SLC22A15: variants seen among roughly 807,000 people sequenced by gnomAD.
The protein encoded by SLC22A15 is solute carrier family 22 member 15.
SLC22A15 carries 45 observed loss-of-function variants against 62.7 expected under a neutral mutation model. The observed-to-expected ratio is 0.72, with a 90% confidence interval of 0.56 to 0.92. The LOEUF is 0.92. SLC22A15 is among the 40% of genes least tolerant of loss of function. The pLI, the probability that SLC22A15 is intolerant of heterozygous loss-of-function variation, is 0.00. For synonymous variants in SLC22A15, 264 were observed against 267.0 expected (o/e 0.99, Z 0.11); for missense variants, 622 against 665.6 (o/e 0.93, Z 0.72).
At chr1:116,015,558 A>C (rs1656481564) in intron 2 of SLC22A15, among the ~76,000 whole-genome samples, 1 of 152,182 alleles carries the variant, frequency 6.6e-6, no homozygotes, top group African/African-American at 2.4e-5. Context: ...AGAATAGTTG[A>C]TTATGGAGTT....
chr1:115,976,778 G>C, intron 1 of SLC22A15, 64 bp downstream of exon 1: 2 of 1,315,488 alleles, frequency 1.5e-6, no homozygotes, highest in Non-Finnish European at 2.1e-6. Flanking sequence ...AGGGCTAGGC[G>C]TCCGCTCCCA....
intron 2 of SLC22A15, among the ~76,000 whole-genome samples, chr1:116,016,663 A>G (rs1023356340): frequency 6.6e-6 from 1 of 152,094 alleles, no homozygotes; most frequent in African/African-American, 2.4e-5. Flanking sequence ...TTGAATTCCC[A>G]CCATGTACCT....
chr1:116,058,799 TTAATG>T (rs1275183697), intron 8 of SLC22A15, among the ~76,000 whole-genome samples: 1 of 152,192 alleles, frequency 6.6e-6, no homozygotes, highest in Non-Finnish European at 1.5e-5. Context: ...AAGGAATTAA[TTAATG>T]GCATTTGCAG....
At position 116,059,993 on chromosome 1, in the gene SLC22A15, G is replaced by A. The variant is rs529435541; in HGVS notation, c.1172-2769G>A. Among the ~76,000 whole-genome samples, 7 of 152,322 alleles carry A rather than the reference G, an allele frequency of 4.6e-5. No homozygotes were observed. In the East Asian group the frequency reaches 1.3e-3, roughly 29 times the overall value. On this transcript the variant is annotated intron_variant, in intron 8 of 11. Transcript: ENST00000369503. ...TGAGATTTCCTTTTTTAAAAAGATA[G>A]TTTAGTTTTGCTTATGTCTTTTAAA...
chr1:116,016,545 C>T (rs1057510671), intron 2 of SLC22A15, among the ~76,000 whole-genome samples: 3 of 152,150 alleles, frequency 2.0e-5, no homozygotes, highest in African/African-American at 7.2e-5. Context: ...GTTTCATAAA[C>T]CTTCATAACC....
chr1:115,980,159 A>G (rs1488536590), intron 1 of SLC22A15, among the ~76,000 whole-genome samples: 1 of 152,196 alleles, frequency 6.6e-6, no homozygotes, highest in Non-Finnish European at 1.5e-5. Flanking sequence ...TTCAGTGGTC[A>G]TCTGGGACAG....
At chr1:116,041,769 A>T (rs1205743034) in intron 8 of SLC22A15, among the ~76,000 whole-genome samples, 1 of 152,284 alleles carries the variant, frequency 6.6e-6, no homozygotes, top group Admixed American at 6.5e-5. Flanking sequence ...CTAGTCTTTG[A>T]TTTGAGCATG....
intron 2 of SLC22A15, among the ~76,000 whole-genome samples, chr1:116,004,353 G>A (rs1655874546): frequency 6.6e-6 from 1 of 152,108 alleles, no homozygotes; most frequent in African/African-American, 2.4e-5. Context: ...GAGTGTTCTA[G>A]TCGGCCATCT....
At position 116,010,914 on chromosome 1, in the gene SLC22A15, A is replaced by G. The variant is rs2101212964; in HGVS notation, c.301-8668A>G. 1.3e-5 allele frequency among the ~76,000 whole-genome samples: 2 copies of G among 152,336 alleles called. 1 individual carries two copies. ...CCTCCAGCAACAAGAGGCTCGATCA[A>G]TAGGCACGGGCCCAGTCTTGTTTGC... is the stretch of plus-strand genomic sequence containing the variant. On this transcript the variant is annotated intron_variant, in intron 2 of 11. Transcript: ENST00000369503.
At chr1:116,004,880 T>C (rs1480032552) in intron 2 of SLC22A15, among the ~76,000 whole-genome samples, 1 of 152,182 alleles carries the variant, frequency 6.6e-6, no homozygotes, top group African/African-American at 2.4e-5. Flanking sequence ...ATCTATTTTG[T>C]ATTGGATGAG....
chr1:116,045,249 G>A (rs1164758974), intron 8 of SLC22A15, among the ~76,000 whole-genome samples: 1 of 151,832 alleles, frequency 6.6e-6, no homozygotes, highest in Non-Finnish European at 1.5e-5. Context: ...GTTTCACCAT[G>A]TTGGTCAGGC....
At chr1:115,978,623 C>T (rs1237470460) in intron 1 of SLC22A15, among the ~76,000 whole-genome samples, 1 of 152,180 alleles carries the variant, frequency 6.6e-6, no homozygotes, top group African/African-American at 2.4e-5. Context: ...GACTCAGTTA[C>T]CCCATTGAGA....
At chr1:116,066,903 C>T (rs1658512939) in intron 11 of SLC22A15, 116 bp from the exon 12 acceptor site, 9 of 972,510 alleles carry the variant, frequency 9.3e-6, no homozygotes, top group Non-Finnish European at 1.4e-5. Flanking sequence ...GGGGCTATTT[C>T]TTGGGGGAAT....
At position 115,986,785 on chromosome 1, in the gene SLC22A15, T is replaced by A. The variant is rs574103108; in HGVS notation, c.88-5246T>A. Among the ~76,000 whole-genome samples the A allele has an allele frequency of 3.9e-5, 6 of 152,348 alleles. No homozygotes were observed. In the South Asian group the frequency reaches 1.2e-3, roughly 32 times the overall value. On this transcript the variant is annotated intron_variant, in intron 1 of 11. Coordinates refer to ENST00000369503, the MANE Select transcript of SLC22A15 (RefSeq NM_018420.3). ...CAGTGCTATGCAATTCACTGTTGAC[T>A]ATGGAGGAATCCCACTTGACACTGA...
chr1:116,056,161 T>C (rs2101550399), intron 8 of SLC22A15, among the ~76,000 whole-genome samples: 1 of 152,226 alleles, frequency 6.6e-6, no homozygotes, highest in East Asian at 1.9e-4. Flanking sequence ...AAAATCCCAT[T>C]GTCTCAGCCC....
intron 9 of SLC22A15, among the ~76,000 whole-genome samples, chr1:116,063,959 G>A (rs889029804): frequency 6.6e-6 from 1 of 152,070 alleles, no homozygotes; most frequent in Admixed American, 6.5e-5. Flanking sequence ...TTGTTAATTA[G>A]TTAGTTGAGT....
intron 10 of SLC22A15, among the ~76,000 whole-genome samples, chr1:116,065,329 C>T (rs1658471743): frequency 6.6e-6 from 1 of 152,112 alleles, no homozygotes; most frequent in Non-Finnish European, 1.5e-5. Context: ...CTCTCCATGT[C>T]TCATGATTAA....
rs534157962 is a variant in SLC22A15 at position 116,069,342 on chromosome 1, T to C, written c.*2234T>C. ...CCTTTTGATAAAAACTGTTGAATAC[T>C]ATTGATGTAGAGAATGTGTATATGT... On this transcript the variant is annotated 3_prime_UTR_variant, in exon 12 of 12. Transcript: ENST00000369503. The C allele has an allele frequency of 6.6e-6, 1 of 152,336 alleles. No homozygotes were observed. The highest frequency in any genetic ancestry group is 2.1e-4 in the South Asian group (1 of 4,834). The allele number at this position is 152,336 out of a possible 1,614,324, so 9.4% of individuals were successfully genotyped here. A position where few individuals can be genotyped will look rare whatever the true frequency, so the allele number is the denominator to read the frequency against.
chr1:116,062,291 A>G (rs1051769168), intron 8 of SLC22A15, among the ~76,000 whole-genome samples: 19 of 152,202 alleles, frequency 1.2e-4, no homozygotes, highest in Admixed American at 2.0e-4. Context: ...TCTCAATGAA[A>G]CACCAGAGAA....
Sources: gnomAD v4.1 joint callset for allele counts (sites outside exome capture counted in the v4.1 genomes callset) on GRCh38, gnomAD v4.1.1 for gene constraint, MANE v1.5 for transcripts, NCBI Gene and HGNC (gene_info 2026-07-23, HGNC 2026-07-21) for gene names.